The following SEC22B variants were observed in gnomAD, a reference collection of about 807,000 sequenced individuals.
SEC22B encodes the protein SEC22 homolog B, vesicle trafficking protein.
SEC22B carries 10 observed loss-of-function variants against 31.4 expected under a neutral mutation model. The observed-to-expected ratio is 0.32, with a 90% CI of 0.20 to 0.54. The LOEUF is 0.54. Among genes scored for constraint, SEC22B ranks in the 20% least tolerant of loss-of-function variants. The pLI is 0.94. For synonymous variants in SEC22B, 60 were observed against 95.9 expected (o/e 0.63, Z 2.19); for missense variants, 130 against 263.4 (o/e 0.49, Z 3.50).
intron 2 of SEC22B, among the ~76,000 whole-genome samples, chr1:120,165,198 A>G: frequency 6.6e-6 from 1 of 152,200 alleles, no homozygotes. Flanking sequence ...CACATATTTA[A>G]ACTCTTTCCA....
chr1:120,166,060 G>A (rs1657801988), intron 2 of SEC22B, among the ~76,000 whole-genome samples: 2 of 150,644 alleles, frequency 1.3e-5, no homozygotes, highest in Admixed American at 6.6e-5. Flanking sequence ...TAATCTTCAG[G>A]TAAATGTAAA....
At chr1:120,169,992 G>A in intron 1 of SEC22B, among the ~76,000 whole-genome samples, 1 of 151,742 alleles carries the variant, frequency 6.6e-6, no homozygotes, top group Non-Finnish European at 1.5e-5. Flanking sequence ...CTTTATAAAA[G>A]AGACCCCAGA....
chr1:120,163,434 A>T (rs1330062548), intron 2 of SEC22B, 64 bp from the exon 3 acceptor site: 5 of 1,172,226 alleles, frequency 4.3e-6, no homozygotes, highest in Non-Finnish European at 5.7e-6. Flanking sequence ...AACAGTTTAA[A>T]GCAGAATCTC....
intron 3 of SEC22B, among the ~76,000 whole-genome samples, chr1:120,160,770 T>A (rs1657703048): frequency 6.6e-6 from 1 of 151,884 alleles, no homozygotes; most frequent in Non-Finnish European, 1.5e-5. Context: ...ACGCCTATAA[T>A]CCCAGCTACT....
Position 120,176,358 on chromosome 1 carries a change from G to A in SEC22B, c.24C>T (p.Ala8=). The stretch of plus-strand genomic sequence containing the variant: ...CCAGCGGGAGCCCGTCCGCCACTCG[G>A]GCGATCATTGTTAGCAACACCATCT... MVLLTMI[A]RVADGLPLAA... The change falls in exon 1 of 5, where the codon GCC becomes GCT. Residue 8 remains alanine (A), a synonymous_variant. Coordinates refer to ENST00000578049, the MANE Select transcript of SEC22B (RefSeq NM_004892.6). The A allele has an allele frequency of 1.9e-6, 3 of 1,613,680 alleles. No homozygotes were observed. The South Asian group carries it at 3.3e-5, about 18-fold the overall frequency.
intron 4 of SEC22B, 65 bp from the exon 5 acceptor site, chr1:120,157,257 G>C: frequency 7.9e-7 from 1 of 1,263,086 alleles, no homozygotes; most frequent in East Asian, 2.6e-5. Flanking sequence ...AAAGTATTAA[G>C]GCAAACCAAA....
chr1:120,164,521 A>T (rs1159150216), intron 2 of SEC22B, among the ~76,000 whole-genome samples: 14 of 151,134 alleles, frequency 9.3e-5, no homozygotes, highest in African/African-American at 3.4e-4. Flanking sequence ...AATATACAGT[A>T]TTTAGTTTTC....
chr1:120,174,287 C>T, intron 1 of SEC22B, among the ~76,000 whole-genome samples: 1 of 152,304 alleles, frequency 6.6e-6, no homozygotes, highest in Admixed American at 6.5e-5. Flanking sequence ...AGGCTTAGCA[C>T]AGTGTTTGGT....
chr1:120,160,903 A>C (rs1257372004), intron 3 of SEC22B, among the ~76,000 whole-genome samples: 2 of 151,768 alleles, frequency 1.3e-5, no homozygotes, highest in African/African-American at 2.4e-5. Context: ...AAAACAAAAA[A>C]AAAAAAACCA....
At chr1:120,176,157 T>G in intron 1 of SEC22B, 150 bp downstream of exon 1, 2 of 663,644 alleles carry the variant, frequency 3.0e-6, no homozygotes, top group South Asian at 3.6e-5. Flanking sequence ...CGGTAGTCTC[T>G]CCTACACCAA....
At chr1:120,173,056 C>T (rs1471871501) in intron 1 of SEC22B, among the ~76,000 whole-genome samples, 1 of 148,528 alleles carries the variant, frequency 6.7e-6, no homozygotes, top group East Asian at 2.0e-4. Context: ...CAGTGGGTAT[C>T]AATACCCACT....
At chr1:120,175,436 G>A (rs1317357723) in intron 1 of SEC22B, among the ~76,000 whole-genome samples, 1 of 143,162 alleles carries the variant, frequency 7.0e-6, no homozygotes, top group African/African-American at 2.7e-5. Context: ...TAGACTGTAT[G>A]GAAAAGTAAA....
At chr1:120,157,730 T>C (rs1365270929) in intron 4 of SEC22B, 2 of 148,346 alleles carry the variant, frequency 1.3e-5, no homozygotes, top group African/African-American at 5.2e-5. Flanking sequence ...GAAAATTCAA[T>C]TAACCAAACA....
intron 1 of SEC22B, 35 bp downstream of exon 1, chr1:120,176,272 G>C: frequency 6.3e-7 from 1 of 1,596,030 alleles, no homozygotes. Context: ...CGCTGACAGA[G>C]ACTTGGGGTC....
chr1:120,165,051 T>A (rs1410645590), intron 2 of SEC22B, among the ~76,000 whole-genome samples: 3 of 152,160 alleles, frequency 2.0e-5, no homozygotes, highest in Non-Finnish European at 4.4e-5. Context: ...TCTAGTATGT[T>A]TTGAGAAATA....
At chr1:120,174,240 T>C (rs1364690422) in intron 1 of SEC22B, among the ~76,000 whole-genome samples, 1 of 152,302 alleles carries the variant, frequency 6.6e-6, no homozygotes, top group African/African-American at 2.4e-5. Flanking sequence ...TGTTCTAATA[T>C]GGTAGTATGA....
At chr1:120,164,054 G>GGTTCAGGT (rs1283641894) in intron 2 of SEC22B, among the ~76,000 whole-genome samples, 31,697 of 140,646 alleles carry the variant, frequency 0.23, 3,645 homozygotes, top group Non-Finnish European at 0.26. Context: ...CCACCTCCCA[G>GGTTCAGGT]GTTCAGGTGA....
At chr1:120,165,744 G>C (rs1183924879) in intron 2 of SEC22B, among the ~76,000 whole-genome samples, 2,309 of 151,902 alleles carry the variant, frequency 0.015, 59 homozygotes, top group African/African-American at 0.053. Context: ...TGAAGTCTTT[G>C]CCATAAAGTC....
At chr1:120,167,644 T>C (rs1303433446) in intron 2 of SEC22B, among the ~76,000 whole-genome samples, 1 of 151,934 alleles carries the variant, frequency 6.6e-6, no homozygotes, top group Non-Finnish European at 1.5e-5. Context: ...TGTTTGAGTA[T>C]ATGTCTCTCT....
Sources: gnomAD v4.1 joint callset for allele counts (sites outside exome capture counted in the v4.1 genomes callset) on GRCh38, gnomAD v4.1.1 for gene constraint, MANE v1.5 for transcripts, NCBI Gene and HGNC (gene_info 2026-07-23, HGNC 2026-07-21) for gene names.